Variants in PPARGC1A observed in about 807,000 individuals in gnomAD.
PPARGC1A encodes peroxisome proliferator-activated receptor gamma coactivator 1-alpha.
Under a neutral mutation model 88.7 loss-of-function variants are expected in PPARGC1A, and 25 were observed. The observed-to-expected ratio is 0.28, with a 90% CI of 0.21 to 0.39. The LOEUF (loss-of-function observed/expected upper bound fraction) is 0.39, where lower values mean the gene tolerates loss of function less well. Among genes scored for constraint, PPARGC1A ranks in the 10% least tolerant of loss-of-function variants. The probability of loss-of-function intolerance (pLI) is 1.00; values close to 1 mark genes in which losing one functional copy is unlikely to be tolerated. For synonymous variants in PPARGC1A, 363 were observed against 355.6 expected, an observed-to-expected ratio of 1.02 and a Z score of -0.24; for missense variants, 880 against 968.7, an observed-to-expected ratio of 0.91 and a Z score of 1.22.
the PPARGC1A span, among the ~76,000 whole-genome samples, chr4:23,949,122 C>A: frequency 6.6e-6 from 1 of 152,044 alleles, no homozygotes; most frequent in African/African-American, 2.4e-5. Flanking sequence ...AGTTAGCTGC[C>A]CATTATTAGG....
the PPARGC1A span, among the ~76,000 whole-genome samples, chr4:24,328,407 G>A: frequency 6.6e-6 from 1 of 152,090 alleles, no homozygotes; most frequent in African/African-American, 2.4e-5. Context: ...ATATGATTAG[G>A]TTCAGTCCCA....
chr4:24,456,964 T>C, the PPARGC1A span, among the ~76,000 whole-genome samples: 7 of 152,144 alleles, frequency 4.6e-5, no homozygotes, highest in Non-Finnish European at 1.0e-4. Context: ...ACCACCCTGA[T>C]GGTGGCAGTT....
chr4:24,276,575 G>C, the PPARGC1A span, among the ~76,000 whole-genome samples: 9 of 152,142 alleles, frequency 5.9e-5, no homozygotes, highest in Admixed American at 5.9e-4. Context: ...TCATATTTGA[G>C]AGGCATCTGA....
chr4:24,032,979 C>T, the PPARGC1A span, among the ~76,000 whole-genome samples: 1 of 152,098 alleles, frequency 6.6e-6, no homozygotes, highest in Non-Finnish European at 1.5e-5. Flanking sequence ...AGGAGAAAAT[C>T]CTAGGAGCAC....
the PPARGC1A span, among the ~76,000 whole-genome samples, chr4:23,967,999 A>G: frequency 6.6e-6 from 1 of 152,322 alleles, no homozygotes; most frequent in South Asian, 2.1e-4. Context: ...CCCTAGAAAC[A>G]ACAGAAGAGA....
chr4:23,910,161 AAT>A, the PPARGC1A span, among the ~76,000 whole-genome samples: 2 of 122,306 alleles, frequency 1.6e-5, no homozygotes, highest in African/African-American at 6.1e-5. Flanking sequence ...ATATAATATA[AAT>A]ATATAATATA....
At chr4:24,160,610 A>T in the PPARGC1A span, among the ~76,000 whole-genome samples, 6 of 152,218 alleles carry the variant, frequency 3.9e-5, no homozygotes, top group East Asian at 1.9e-4. Context: ...TGCCTCCATC[A>T]TCTCAACTCA....
At chr4:24,077,624 G>GGGGTGT in the PPARGC1A span, among the ~76,000 whole-genome samples, 1 of 130,902 alleles carries the variant, frequency 7.6e-6, no homozygotes, top group Admixed American at 7.7e-5. Context: ...TGTGTCTAGG[G>GGGGTGT]GTGTGTGTGT....
chr4:23,888,043 A>G (rs1717203666), intron 1 of PPARGC1A, among the ~76,000 whole-genome samples: 1 of 152,240 alleles, frequency 6.6e-6, no homozygotes, highest in African/African-American at 2.4e-5. Flanking sequence ...GCAAAAGGGC[A>G]TAATACGTTT....
the PPARGC1A span, among the ~76,000 whole-genome samples, chr4:24,178,744 C>T: frequency 7.2e-5 from 11 of 152,232 alleles, no homozygotes; most frequent in African/African-American, 1.7e-4. Flanking sequence ...AGCTTTGTTG[C>T]GAATGCTAAA....
At chr4:23,870,133 CGTGTTT>C (rs1318091686) in intron 2 of PPARGC1A, among the ~76,000 whole-genome samples, 1 of 152,144 alleles carries the variant, frequency 6.6e-6, no homozygotes, top group African/African-American at 2.4e-5. Context: ...TCTAAAACTA[CGTGTTT>C]GTGTTTGTAT....
the PPARGC1A span, among the ~76,000 whole-genome samples, chr4:23,976,470 G>A: frequency 1.3e-5 from 2 of 152,182 alleles, no homozygotes; most frequent in Non-Finnish European, 2.9e-5. Flanking sequence ...CTTTTCATAC[G>A]ATGGCCTGAA....
At chr4:23,991,952 A>G in the PPARGC1A span, among the ~76,000 whole-genome samples, 38 of 152,310 alleles carry the variant, frequency 2.5e-4, no homozygotes, top group Non-Finnish European at 4.6e-4. Context: ...AGTTTCTAGT[A>G]TCTAACAAGT....
At chr4:24,077,584 T>C in the PPARGC1A span, among the ~76,000 whole-genome samples, 2 of 151,640 alleles carry the variant, frequency 1.3e-5, no homozygotes, top group Non-Finnish European at 2.9e-5. Flanking sequence ...AGATTTTCTT[T>C]AGCCCAAATG....
At chr4:24,269,767 G>C in the PPARGC1A span, among the ~76,000 whole-genome samples, 1 of 152,074 alleles carries the variant, frequency 6.6e-6, no homozygotes, top group Non-Finnish European at 1.5e-5. Context: ...GTAACAGTCT[G>C]TCCTGAGCAA....
At chr4:24,106,910 T>C in the PPARGC1A span, among the ~76,000 whole-genome samples, 2 of 152,182 alleles carry the variant, frequency 1.3e-5, no homozygotes, top group African/African-American at 4.8e-5. Context: ...CCTTAGATCA[T>C]GAGCAATAAT....
chr4:24,237,518 T>C, the PPARGC1A span, among the ~76,000 whole-genome samples: 1 of 152,232 alleles, frequency 6.6e-6, no homozygotes, highest in Non-Finnish European at 1.5e-5. Flanking sequence ...GAGTTTCATA[T>C]GGCCAAGTGC....
the PPARGC1A span, among the ~76,000 whole-genome samples, chr4:23,920,794 C>T: frequency 6.6e-6 from 1 of 152,168 alleles, no homozygotes; most frequent in African/African-American, 2.4e-5. Flanking sequence ...GCTTGCCCTG[C>T]TACTGAAATG....
chr4:23,856,544 G>A (rs746385840), intron 2 of PPARGC1A, among the ~76,000 whole-genome samples: 2 of 152,182 alleles, frequency 1.3e-5, no homozygotes, highest in African/African-American at 2.4e-5. Context: ...TTCTATGATT[G>A]CTTTTGAAAA....
Sources: gnomAD v4.1 joint callset for allele counts (sites outside exome capture counted in the v4.1 genomes callset) on GRCh38, gnomAD v4.1.1 for gene constraint, MANE v1.5 for transcripts, NCBI Gene and HGNC (gene_info 2026-07-23, HGNC 2026-07-21) for gene names.